PMFBP1: variants seen among roughly 807,000 people sequenced by gnomAD.
PMFBP1 encodes the protein polyamine-modulated factor 1-binding protein 1.
Under a neutral mutation model 137.8 loss-of-function variants are expected in PMFBP1, and 131 were observed. That is an observed-to-expected ratio of 0.95 (90% CI 0.82 to 1.10). The LOEUF is 1.10. PMFBP1 is among the 50% of genes least tolerant of loss of function. PMFBP1 has a pLI of 0.00. For missense variants in PMFBP1, 1,199 were observed against 1,175.4 expected, an observed-to-expected ratio of 1.02 and a Z score of -0.29; for synonymous variants, 490 against 450.4, an observed-to-expected ratio of 1.09 and a Z score of -1.11.
At chr16:72,137,782 G>A (rs1434956907) in intron 7 of PMFBP1, among the ~76,000 whole-genome samples, 1 of 152,132 alleles carries the variant, frequency 6.6e-6, no homozygotes, top group Admixed American at 6.5e-5. Flanking sequence ...GGAGCAATTC[G>A]TTGCCTGGCA....
At position 72,150,742 on chromosome 16, in the gene PMFBP1, C is replaced by G. The variant is rs149600125; in HGVS notation, c.502G>C (p.Gly168Arg). The G allele has an allele frequency of 1.1e-4, 171 of 1,614,186 alleles. 1 individual carries two copies. In the Middle Eastern group the frequency reaches 1.8e-3, roughly 17 times the overall value. ...HLAQEQLALA[G>R]DKIASLERSL... is the part of the protein sequence containing the mutation. ...CTCTCTAGAGAGGCGATCTTGTCCCCGGCCAAGGCGAGTTGCTCCTGCGCC... is the reference window on the plus strand; with the variant it reads ...CTCTCTAGAGAGGCGATCTTGTCCCGGGCCAAGGCGAGTTGCTCCTGCGCC... Residue 168 changes from glycine (G) to arginine (R), a missense_variant, in exon 5 of 21, where the codon GGG (glycine) becomes CGG (arginine). Gly to Arg is a moderately radical substitution (Grantham distance 125). Coordinates refer to ENST00000237353, the MANE Select transcript of PMFBP1 (RefSeq NM_031293.3).
At chr16:72,159,540 A>AGAAAC (rs2043030700) in intron 3 of PMFBP1, among the ~76,000 whole-genome samples, 1 of 152,230 alleles carries the variant, frequency 6.6e-6, no homozygotes, top group Non-Finnish European at 1.5e-5. Flanking sequence ...CTATCTGCAG[A>AGAAAC]GAAACTAGAG....
At chr16:72,225,934 GACACACACAC>G in the PMFBP1 span, among the ~76,000 whole-genome samples, 15 of 140,664 alleles carry the variant, frequency 1.1e-4, no homozygotes, top group Middle Eastern at 3.3e-3. Flanking sequence ...CACACTCACA[GACACACACAC>G]ACACACACAC....
the PMFBP1 span, among the ~76,000 whole-genome samples, chr16:72,223,865 T>C: frequency 2.0e-5 from 3 of 152,286 alleles, no homozygotes; most frequent in Non-Finnish European, 2.9e-5. Context: ...TAGCTAAGAA[T>C]AGAAATTTCC....
At chr16:72,178,583 C>G (rs1350310426), upstream of PMFBP1, among the ~76,000 whole-genome samples, 1 of 152,188 alleles carries the variant, frequency 6.6e-6, no homozygotes, top group African/African-American at 2.4e-5. Context: ...GTTTACATCA[C>G]TATGAACTCA....
Position 72,129,130 on chromosome 16 carries a change from T to A in PMFBP1, c.1886A>T (p.His629Leu). 1 of 1,614,266 alleles carries A rather than the reference T, an allele frequency of 6.2e-7. No individual in the cohort carries two copies. Among genetic ancestry groups the A allele is most frequent in the South Asian group, 1.1e-5 (1 of 91,088 alleles). The change falls in exon 13 of 21, where the codon CAT (histidine) becomes CTT (leucine). Residue 629 changes from histidine to leucine, a missense_variant. Physicochemically the swap from His to Leu is moderately conservative, Grantham distance 99. Transcript: ENST00000237353. ...KREQLKKSKE[H>L]EKLMEGELEA... is the part of the protein sequence containing the mutation. ...AAGTTCTCCCTCCATCAGCTTCTCA[T>A]GCTCTTTGCTCTTCTTCAACTGCTC...
the PMFBP1 span, among the ~76,000 whole-genome samples, chr16:72,239,885 C>CAAAAAAAA: frequency 8.9e-4 from 19 of 21,350 alleles, no homozygotes; most frequent in African/African-American, 2.5e-3. Context: ...ACTCCATGTA[C>CAAAAAAAA]AAAAAAAAAA....
At chr16:72,137,998 T>C (rs1352062266) in intron 7 of PMFBP1, among the ~76,000 whole-genome samples, 1 of 151,982 alleles carries the variant, frequency 6.6e-6, no homozygotes, top group Non-Finnish European at 1.5e-5. Context: ...GGCGTGGGTC[T>C]CTCATTCCTA....
At chr16:72,151,146 GT>G (rs2042896622) in intron 4 of PMFBP1, among the ~76,000 whole-genome samples, 1 of 152,200 alleles carries the variant, frequency 6.6e-6, no homozygotes, top group South Asian at 2.1e-4. Context: ...GTATAGCTCT[GT>G]TTTTTAAGGG....
At chr16:72,203,796 A>C in the PMFBP1 span, among the ~76,000 whole-genome samples, 1 of 152,002 alleles carries the variant, frequency 6.6e-6, no homozygotes, top group African/African-American at 2.4e-5. Flanking sequence ...CCCTTCTTTC[A>C]CTTGCTAGAG....
upstream of PMFBP1, among the ~76,000 whole-genome samples, chr16:72,175,977 C>T (rs982918722): frequency 8.5e-5 from 13 of 152,130 alleles, no homozygotes; most frequent in South Asian, 2.1e-4. Context: ...GCAGAGAGTT[C>T]GCCTTTTTGA....
chr16:72,149,560 C>T (rs930960814), intron 5 of PMFBP1, among the ~76,000 whole-genome samples: 15 of 152,100 alleles, frequency 9.9e-5, no homozygotes, highest in African/African-American at 2.7e-4. Context: ...CGGTGGCTCA[C>T]GCCTGTAATC....
chr16:72,169,062 A>G (rs568320305), intron 2 of PMFBP1, among the ~76,000 whole-genome samples: 2 of 152,274 alleles, frequency 1.3e-5, no homozygotes, highest in South Asian at 4.2e-4. Context: ...AAGATTCAAA[A>G]TGGCAGCATT....
chr16:72,191,785 G>T, the PMFBP1 span, among the ~76,000 whole-genome samples: 1 of 152,162 alleles, frequency 6.6e-6, no homozygotes, highest in Admixed American at 6.5e-5. Context: ...CTCTGAAGAG[G>T]CTCTGTCCTG....
chr16:72,213,204 G>GA, the PMFBP1 span, among the ~76,000 whole-genome samples: 3 of 150,812 alleles, frequency 2.0e-5, no homozygotes, highest in Admixed American at 6.6e-5. Context: ...GCCCGGGGGG[G>GA]GGTGGGGAAA....
the PMFBP1 span, among the ~76,000 whole-genome samples, chr16:72,185,839 A>G: frequency 6.6e-6 from 1 of 152,230 alleles, no homozygotes; most frequent in Non-Finnish European, 1.5e-5. Context: ...TTTTCAGTCC[A>G]CATGGCCAGC....
At chr16:72,191,786 C>T in the PMFBP1 span, among the ~76,000 whole-genome samples, 1 of 152,184 alleles carries the variant, frequency 6.6e-6, no homozygotes, top group African/African-American at 2.4e-5. Context: ...TCTGAAGAGG[C>T]TCTGTCCTGG....
chr16:72,165,783 G>A (rs756407692), intron 2 of PMFBP1, among the ~76,000 whole-genome samples: 25 of 152,132 alleles, frequency 1.6e-4, no homozygotes, highest in Non-Finnish European at 3.2e-4. Context: ...GGCTGGTGGC[G>A]TAAGATTTCT....
chr16:72,219,707 G>T, the PMFBP1 span, among the ~76,000 whole-genome samples: 3 of 152,178 alleles, frequency 2.0e-5, no homozygotes, highest in African/African-American at 7.2e-5. Flanking sequence ...AAAAAGAAGA[G>T]GGATGAGATA....
Sources: gnomAD v4.1 joint callset for allele counts (sites outside exome capture counted in the v4.1 genomes callset) on GRCh38, gnomAD v4.1.1 for gene constraint, MANE v1.5 for transcripts, NCBI Gene and HGNC (gene_info 2026-07-23, HGNC 2026-07-21) for gene names.